The following ENAH variants were observed in gnomAD, a reference collection of about 807,000 sequenced individuals.
The protein encoded by ENAH is protein enabled homolog.
A neutral mutation model predicts 78.7 loss-of-function variants in ENAH; 23 were observed. That is an observed-to-expected ratio of 0.29 (90% CI 0.21 to 0.41). ENAH has a LOEUF of 0.41. ENAH is among the 10% of genes least tolerant of loss of function. The probability of loss-of-function intolerance (pLI) is 1.00; values close to 1 mark genes in which losing one functional copy is unlikely to be tolerated. For missense variants in ENAH, 544 were observed against 691.0 expected (o/e 0.79, Z 2.39); for synonymous variants, 226 against 241.0 (o/e 0.94, Z 0.58).
intron 12 of ENAH, among the ~76,000 whole-genome samples, chr1:225,499,966 G>T (rs1558704402): frequency 2.0e-5 from 3 of 152,182 alleles, no homozygotes; most frequent in Non-Finnish European, 2.9e-5. Context: ...CAGATGCCCT[G>T]ATCCAAATTA....
At position 225,530,464 on chromosome 1, in the gene ENAH, G is replaced by A. The variant is rs79173549; in HGVS notation, c.434+90C>T. On this transcript the variant is annotated intron_variant, in intron 4 of 13. Coordinates refer to ENST00000366843, the MANE Select transcript of ENAH (RefSeq NM_018212.6). Reference sequence around the variant, plus strand: ...TAAAAGTTGTGACTCTTAAACAGCTGATAAGACATAATCTACTTTAAACAC... The same window carrying A: ...TAAAAGTTGTGACTCTTAAACAGCTAATAAGACATAATCTACTTTAAACAC... 5.3e-3 allele frequency: 5,613 copies of A among 1,062,312 alleles called. 125 individuals are homozygous for A. The highest frequency in any genetic ancestry group is 0.051 in the African/African-American group (3,270 of 63,840). 65.8% of individuals were successfully genotyped at this position (1,062,312 alleles called of 1,614,324 possible). A position where few individuals can be genotyped will look rare whatever the true frequency, so the allele number is the denominator to read the frequency against.
intron 3 of ENAH, among the ~76,000 whole-genome samples, chr1:225,540,057 A>G (rs574643447): frequency 5.3e-5 from 8 of 152,372 alleles, no homozygotes; most frequent in African/African-American, 1.9e-4. Flanking sequence ...AGGAAATATG[A>G]GAAATCTGTC....
intron 1 of ENAH, among the ~76,000 whole-genome samples, chr1:225,616,605 T>C (rs1347797787): frequency 1.3e-5 from 2 of 152,080 alleles, no homozygotes; most frequent in East Asian, 3.8e-4. Context: ...TATATAAAAA[T>C]TGAAGATAAA....
At chr1:225,531,300 T>C (rs1343162799) in intron 3 of ENAH, among the ~76,000 whole-genome samples, 1 of 152,118 alleles carries the variant, frequency 6.6e-6, no homozygotes, top group Non-Finnish European at 1.5e-5. Context: ...AAAAAAAAAC[T>C]TGCATTCATA....
At chr1:225,565,509 T>C (rs761604087) in intron 2 of ENAH, among the ~76,000 whole-genome samples, 4 of 152,210 alleles carry the variant, frequency 2.6e-5, no homozygotes, top group South Asian at 2.1e-4. Flanking sequence ...AAATGTAGGA[T>C]TGTTCATCAG....
chr1:225,613,204 A>G (rs1167721164), intron 1 of ENAH, among the ~76,000 whole-genome samples: 2 of 152,146 alleles, frequency 1.3e-5, no homozygotes, highest in Non-Finnish European at 2.9e-5. Flanking sequence ...CATCTTTCAG[A>G]GCAACTCAAA....
chr1:225,584,760 T>C (rs1475190119), intron 1 of ENAH, among the ~76,000 whole-genome samples: 1 of 152,176 alleles, frequency 6.6e-6, no homozygotes, highest in Non-Finnish European at 1.5e-5. Flanking sequence ...TAAAATATTA[T>C]ATGTCATGAA....
Position 225,512,729 on chromosome 1 carries a change from A to G in ENAH, c.1365-15T>C. ...CAATTCTTCTCCTACAAAGAAGGCA[A>G]ATCCGATTTTTAAAAATATTATCTG... On this transcript the variant is annotated splice_polypyrimidine_tract_variant and intron_variant, in intron 8 of 13. Coordinates refer to ENST00000366843, the MANE Select transcript of ENAH (RefSeq NM_018212.6). 2.5e-6 allele frequency: 4 copies of G among 1,612,698 alleles called. No homozygotes were observed. The highest frequency in any genetic ancestry group is 3.4e-6 in the Non-Finnish European group (4 of 1,179,566).
At chr1:225,514,491 A>AT in intron 7 of ENAH, 105 bp downstream of exon 7, 1 of 971,338 alleles carries the variant, frequency 1.0e-6, no homozygotes. Context: ...TTTTAAATCA[A>AT]TGAAGTTCAT....
In ENAH at chr1:225,624,931, T is replaced by G. The variant is rs183114870; in HGVS notation, c.5+27755A>C. Among the ~76,000 whole-genome samples the G allele has an allele frequency of 7.9e-5, 12 of 152,334 alleles. No individual in the cohort carries two copies. In the East Asian group the frequency reaches 1.7e-3, roughly 22 times the overall value. The stretch of plus-strand genomic sequence containing the variant: ...AAATAAGTGGGAAAGCTAAGGACTA[T>G]GTGCTCACCTAACCTGGTGGGATGT... On this transcript the variant is annotated intron_variant, in intron 1 of 13. Coordinates refer to ENST00000366843, the MANE Select transcript of ENAH (RefSeq NM_018212.6).
intron 1 of ENAH, among the ~76,000 whole-genome samples, chr1:225,646,292 GTTAAA>G (rs1291431231): frequency 1.3e-5 from 2 of 152,100 alleles, no homozygotes; most frequent in African/African-American, 2.4e-5. Context: ...GGTAACTAAT[GTTAAA>G]TTAAGTTATA....
chr1:225,615,255 G>A (rs959506714), intron 1 of ENAH, among the ~76,000 whole-genome samples: 1 of 152,202 alleles, frequency 6.6e-6, no homozygotes, highest in African/African-American at 2.4e-5. Context: ...GTGTTGGCCC[G>A]ACTGGTCTCC....
intron 1 of ENAH, among the ~76,000 whole-genome samples, chr1:225,620,857 T>C (rs1055063563): frequency 6.6e-6 from 1 of 151,832 alleles, no homozygotes; most frequent in African/African-American, 2.4e-5. Flanking sequence ...ATACAAAAAT[T>C]AGCTGGGCAT....
At chr1:225,591,714 G>A (rs1461933764) in intron 1 of ENAH, among the ~76,000 whole-genome samples, 1 of 136,066 alleles carries the variant, frequency 7.3e-6, no homozygotes, top group Admixed American at 8.3e-5. Flanking sequence ...GCAGTGAGCC[G>A]AGATCGCGTC....
intron 1 of ENAH, among the ~76,000 whole-genome samples, chr1:225,583,027 A>G (rs1272657625): frequency 6.6e-6 from 1 of 152,210 alleles, no homozygotes; most frequent in African/African-American, 2.4e-5. Flanking sequence ...GCAGAAACAA[A>G]AGAGAACAGA....
rs34624539 is a variant in ENAH at position 225,562,972 on chromosome 1, C to CAA, written c.171+4275_171+4276dup. Among the ~76,000 whole-genome samples the CAA allele has an allele frequency of 2.4e-5, 3 of 124,398 alleles. No homozygotes were observed. The Admixed American group carries it at 2.4e-4, about 10-fold the overall frequency. The allele number at this position is 124,398 out of a possible 152,430, so 81.6% of individuals were successfully genotyped here. ...TGGGCAACAGAGCAAAACTCTGTGTCAAAAAAAAAAAACCCGAAATGCAAG... is the reference window on the plus strand; with the variant it reads ...TGGGCAACAGAGCAAAACTCTGTGTCAAAAAAAAAAAAAACCCGAAATGCAAG... On this transcript the variant is annotated intron_variant, in intron 2 of 13. Coordinates refer to ENST00000366843, the MANE Select transcript of ENAH (RefSeq NM_018212.6).
rs1281490685 is a variant in ENAH, at chr1:225,518,040, G to A, written c.803-734C>T. On this transcript the variant is annotated intron_variant, in intron 5 of 13. Transcript: ENST00000366843. Reference sequence around the variant, plus strand: ...GCAAAAGACAGGATAAAAAAGGAGAGAGAAAAAGGGAGCTAGTGAAGCCAC... The same window carrying A: ...GCAAAAGACAGGATAAAAAAGGAGAAAGAAAAAGGGAGCTAGTGAAGCCAC... 9 of 1,459,146 alleles carry A rather than the reference G, an allele frequency of 6.2e-6. No individual in the cohort carries two copies. The Admixed American group carries it at 6.9e-5, about 11-fold the overall frequency. The allele number at this position is 1,459,146 out of a possible 1,614,324, so 90.4% of individuals were successfully genotyped here. A position where few individuals can be genotyped will look rare whatever the true frequency, so the allele number is the denominator to read the frequency against.
chr1:225,624,195 T>C (rs1575768469), intron 1 of ENAH, among the ~76,000 whole-genome samples: 1 of 152,078 alleles, frequency 6.6e-6, no homozygotes, highest in African/African-American at 2.4e-5. Context: ...TCCAGCACTT[T>C]GGGAGGCCAA....
intron 3 of ENAH, among the ~76,000 whole-genome samples, chr1:225,544,672 T>C (rs768557655): frequency 2.0e-5 from 3 of 152,192 alleles, no homozygotes; most frequent in African/African-American, 4.8e-5. Flanking sequence ...GCTGCGCTCA[T>C]GAAAAATGAG....
Sources: allele counts gnomAD v4.1 joint callset (sites outside exome capture counted in the v4.1 genomes callset), GRCh38; gene constraint gnomAD v4.1.1; transcripts MANE v1.5; gene names NCBI Gene and HGNC (gene_info 2026-07-23, HGNC 2026-07-21).